Variants in VRK2 observed in about 807,000 individuals in gnomAD.
The protein encoded by VRK2 is serine/threonine-protein kinase VRK2.
Under a neutral mutation model 57.6 loss-of-function variants are expected in VRK2, and 60 were observed. The observed-to-expected ratio is 1.04, with a 90% CI of 0.85 to 1.29. The LOEUF is 1.29. VRK2 is among the 50% of genes most tolerant of loss of function. The pLI is 0.00. For synonymous variants in VRK2, 231 were observed against 199.2 expected (o/e 1.16, Z -1.35); for missense variants, 705 against 588.1 (o/e 1.20, Z -2.06).
Position 57,980,516 on chromosome 2 carries a change from G to A in VRK2, c.-438-45149G>A, listed in dbSNP as rs796256220. ...TGAAAAAATATATATAAATTCTCTT[G>A]TTGGGTGGAGTATTTTGTAGATGTC... is the stretch of plus-strand genomic sequence containing the variant. On this transcript the variant is annotated intron_variant, in intron 1 of 15. Coordinates refer to the VRK2 transcript ENST00000417641. 6.6e-5 allele frequency among the ~76,000 whole-genome samples: 10 copies of A among 152,232 alleles called. 1 individual carries two copies. Among genetic ancestry groups the A allele is most frequent in the African/African-American group, 2.2e-4 (9 of 41,538 alleles).
At chr2:58,125,146 G>A (rs1573255524) in intron 8 of VRK2, among the ~76,000 whole-genome samples, 1 of 152,180 alleles carries the variant, frequency 6.6e-6, no homozygotes, top group Non-Finnish European at 1.5e-5. Flanking sequence ...ACCAACTTAT[G>A]TTTGAGTCAT....
In VRK2 at chr2:58,114,272, T is replaced by C. The variant is rs58615392; in HGVS notation, c.544-8829T>C. Among the ~76,000 whole-genome samples the C allele has an allele frequency of 8.1e-3, 1,220 of 149,936 alleles. 24 individuals carry two copies. Among genetic ancestry groups the C allele is most frequent in the African/African-American group, 0.029 (1,136 of 39,564 alleles). On this transcript the variant is annotated intron_variant, in intron 7 of 12. Coordinates refer to ENST00000340157, the MANE Select transcript of VRK2 (RefSeq NM_006296.7). Reference sequence around the variant, plus strand: ...AAAGATTATTTATTTACTTCAAGAGTTTAGAGTGGCAGTTTGGGGATAGCA... The same window carrying C: ...AAAGATTATTTATTTACTTCAAGAGCTTAGAGTGGCAGTTTGGGGATAGCA...
chr2:58,089,362 CAGGAATT>C (rs1415058361), intron 6 of VRK2, among the ~76,000 whole-genome samples: 4 of 152,150 alleles, frequency 2.6e-5, no homozygotes, highest in African/African-American at 4.8e-5. Context: ...ACTGGGCTAT[CAGGAATT>C]AGGCATAAGC....
At chr2:58,090,756 G>A (rs1047412541) in intron 7 of VRK2, among the ~76,000 whole-genome samples, 10 of 152,162 alleles carry the variant, frequency 6.6e-5, no homozygotes, top group African/African-American at 1.9e-4. Context: ...AAACCTGCAC[G>A]TGAATGCTTG....
intron 1 of VRK2, among the ~76,000 whole-genome samples, chr2:57,993,481 T>TAAAA (rs879272262): frequency 1.5e-4 from 21 of 142,990 alleles, no homozygotes; most frequent in African/African-American, 5.4e-4. Flanking sequence ...TGCTCTGCTT[T>TAAAA]AAAAAAAAAA....
intron 3 of VRK2, among the ~76,000 whole-genome samples, 194 bp downstream of exon 3, chr2:58,084,332 G>A (rs1423961202): frequency 6.6e-6 from 1 of 151,710 alleles, no homozygotes; most frequent in Non-Finnish European, 1.5e-5. Context: ...TTACCCTGGT[G>A]TGTTATCTAT....
In VRK2 at chr2:57,939,302, G is replaced by A. The variant is rs1248090714; in HGVS notation, c.-439+31463G>A. On this transcript the variant is annotated intron_variant, in intron 1 of 15. Transcript: ENST00000417641. ...TTTCATTGTCTTTTCCAAAGTTGGTGTAATTTTTATATGCAAACATGTATT... is the reference window on the plus strand; with the variant it reads ...TTTCATTGTCTTTTCCAAAGTTGGTATAATTTTTATATGCAAACATGTATT... Among the ~76,000 whole-genome samples the A allele has an allele frequency of 3.9e-5, 6 of 152,132 alleles. 1 individual carries two copies. The highest frequency in any genetic ancestry group is 8.8e-5 in the Non-Finnish European group (6 of 68,024).
chr2:58,070,930 C>T (rs1028941373), intron 2 of VRK2, among the ~76,000 whole-genome samples: 7 of 152,118 alleles, frequency 4.6e-5, no homozygotes, highest in Non-Finnish European at 1.0e-4. Context: ...TTCCCACCAG[C>T]AATGAATGAG....
At chr2:58,015,611 G>A (rs1673556583) in intron 1 of VRK2, among the ~76,000 whole-genome samples, 1 of 151,948 alleles carries the variant, frequency 6.6e-6, no homozygotes, top group South Asian at 2.1e-4. Context: ...TATTTAAATT[G>A]TTATCATACA....
intron 1 of VRK2, among the ~76,000 whole-genome samples, chr2:57,963,914 A>G (rs1671834048): frequency 6.6e-6 from 1 of 152,222 alleles, no homozygotes; most frequent in Non-Finnish European, 1.5e-5. Flanking sequence ...CATTCCCAGT[A>G]TAGTCTTTAG....
chr2:58,154,896 T>C, intron 12 of VRK2: 5 of 584,122 alleles, frequency 8.6e-6, no homozygotes, highest in Middle Eastern at 2.8e-4. Context: ...CTTCAAAATA[T>C]ATTTCCCCTT....
At chr2:58,001,314 G>C (rs1673082106) in intron 1 of VRK2, among the ~76,000 whole-genome samples, 1 of 152,058 alleles carries the variant, frequency 6.6e-6, no homozygotes, top group Admixed American at 6.5e-5. Flanking sequence ...ATTTCCACAT[G>C]TCATTGCATA....
chr2:58,064,250 A>G (rs1038349284), intron 2 of VRK2, among the ~76,000 whole-genome samples: 9 of 152,132 alleles, frequency 5.9e-5, no homozygotes, highest in Non-Finnish European at 1.2e-4. Flanking sequence ...TGTTGTAGAT[A>G]AAATGCTAAC....
chr2:58,028,903 AATATATAT>A (rs58729342), intron 2 of VRK2, among the ~76,000 whole-genome samples: 7,170 of 53,740 alleles, frequency 0.13, 340 homozygotes, highest in Middle Eastern at 0.23. Context: ...TAAATAAATA[AATATATAT>A]ATATATATAT....
At chr2:58,090,862 T>C (rs1187917987) in intron 7 of VRK2, among the ~76,000 whole-genome samples, 3 of 152,214 alleles carry the variant, frequency 2.0e-5, no homozygotes, top group African/African-American at 7.2e-5. Context: ...AATGGAATAT[T>C]ATTCATTGCT....
upstream of VRK2, among the ~76,000 whole-genome samples, chr2:58,043,545 TC>T (rs1674548837): frequency 6.6e-6 from 1 of 152,196 alleles, no homozygotes; most frequent in Admixed American, 6.5e-5. Context: ...TTGATATTCA[TC>T]CAGCTTGTTG....
rs188806633 is a variant in VRK2 at position 58,142,839 on chromosome 2, T to C, written c.1023+3007T>C. On this transcript the variant is annotated intron_variant, in intron 11 of 12. Transcript: ENST00000340157. ...TCGTTTATCAATGACTCCCACCTTA[T>C]TATGGTGCTTGAATCATATATACAA... 1.1e-3 allele frequency among the ~76,000 whole-genome samples: 163 copies of C among 152,000 alleles called. 1 individual carries two copies. The highest frequency in any genetic ancestry group is 3.7e-3 in the African/African-American group (155 of 41,518).
chr2:57,975,272 A>G (rs983096507), intron 1 of VRK2, among the ~76,000 whole-genome samples: 4 of 152,034 alleles, frequency 2.6e-5, no homozygotes, highest in African/African-American at 9.7e-5. Context: ...CAAATCAACC[A>G]TGCTCCAAAC....
intron 1 of VRK2, among the ~76,000 whole-genome samples, chr2:57,982,912 T>C (rs1272021977): frequency 6.6e-6 from 1 of 152,226 alleles, no homozygotes; most frequent in Non-Finnish European, 1.5e-5. Context: ...ACTCTCTAGA[T>C]AGTTCTCCTT....
Sources: allele counts gnomAD v4.1 joint callset (sites outside exome capture counted in the v4.1 genomes callset), GRCh38; gene constraint gnomAD v4.1.1; transcripts MANE v1.5; gene names NCBI Gene and HGNC (gene_info 2026-07-23, HGNC 2026-07-21).